Variants in DHX37 observed in about 807,000 individuals in gnomAD.
DHX37 encodes the protein DEAH-box helicase 37, also known as probable ATP-dependent RNA helicase DHX37.
A neutral mutation model predicts 134.3 loss-of-function variants in DHX37; 52 were observed. The ratio of observed to expected loss-of-function variants is 0.39; its 90% CI spans 0.31 to 0.49. The LOEUF (loss-of-function observed/expected upper bound fraction) is 0.49. Ranked by LOEUF, DHX37 falls within the 20% of genes least tolerant of loss-of-function variation. The probability of loss-of-function intolerance (pLI) is 0.93; values close to 1 mark genes in which losing one functional copy is unlikely to be tolerated. For synonymous variants in DHX37, 634 were observed against 670.7 expected (o/e 0.95, Z 0.85); for missense variants, 1,344 against 1,580.8 (o/e 0.85, Z 2.54).
rs1954747896 is a variant in DHX37 at position 124,980,963 on chromosome 12, C to T, written c.390-125G>A. ...CTGCTGTTCCACTCCCTGAAATGCC[C>T]TTCCTGCAGATACCTCCTCTCACTC... On this transcript the variant is annotated intron_variant, in intron 3 of 26. Coordinates refer to ENST00000308736, the MANE Select transcript of DHX37 (RefSeq NM_032656.4). The surrounding 1 kb of genome is among the most constrained non-coding windows in gnomAD (Gnocchi z 5.3). 10 of 1,069,496 alleles carry T rather than the reference C, an allele frequency of 9.4e-6. No homozygotes were observed. Among genetic ancestry groups the T allele is most frequent in the Middle Eastern group, 2.3e-4 (1 of 4,272 alleles). 66.3% of individuals were successfully genotyped at this position (1,069,496 alleles called of 1,614,324 possible). A position where few individuals can be genotyped will look rare whatever the true frequency, so the allele number is the denominator to read the frequency against.
At position 124,989,060 on chromosome 12, in the gene DHX37, C is replaced by T. The variant is rs769413521; in HGVS notation, c.-38G>A. Reference sequence around the variant, plus strand: ...AGGGTGGGCGCTCCAGCGGCCGGACCAGCAGAGCAATCCGAAACCCAGCCC... The same window carrying T: ...AGGGTGGGCGCTCCAGCGGCCGGACTAGCAGAGCAATCCGAAACCCAGCCC... On this transcript the variant is annotated 5_prime_UTR_variant, in exon 1 of 27. Coordinates refer to ENST00000308736, the MANE Select transcript of DHX37 (RefSeq NM_032656.4). 3 of 1,291,270 alleles carry T rather than the reference C, an allele frequency of 2.3e-6. No homozygotes were observed. Among genetic ancestry groups the T allele is most frequent in the Non-Finnish European group, 3.0e-6 (3 of 1,009,572 alleles). 80.0% of individuals were successfully genotyped at this position (1,291,270 alleles called of 1,614,324 possible).
intron 20 of DHX37, 199 bp downstream of exon 20, chr12:124,953,681 G>A (rs1329194191): frequency 5.2e-6 from 5 of 967,580 alleles, no homozygotes; most frequent in Admixed American, 3.0e-5. Context: ...CTGGCAGCTC[G>A]AATCTGTTAG....
At chr12:124,971,160 C>A in intron 8 of DHX37, 142 bp downstream of exon 8, 3 of 1,351,744 alleles carry the variant, frequency 2.2e-6, no homozygotes. Flanking sequence ...GACCTAGGCC[C>A]AGGGAGACCT....
intron 1 of DHX37, among the ~76,000 whole-genome samples, chr12:124,988,668 T>G (rs569414234): frequency 1.9e-4 from 29 of 150,792 alleles, no homozygotes; most frequent in Admixed American, 1.8e-3. Flanking sequence ...ACTACTCCTG[T>G]TTTTTTTGCC....
intron 10 of DHX37, 74 bp downstream of exon 10, chr12:124,968,460 C>T (rs1177853825): frequency 1.9e-6 from 3 of 1,581,632 alleles, no homozygotes; most frequent in Non-Finnish European, 2.6e-6. Context: ...CGGAGATGGG[C>T]CCTCCCACAC....
At position 124,953,960 on chromosome 12, in the gene DHX37, G is replaced by A. The variant is rs764396850; in HGVS notation, c.2615C>T (p.Pro872Leu). Residue 872 changes from proline to leucine, a missense_variant, in exon 20 of 27, where the codon CCC becomes CTC. This residue lies in a region of DHX37 where 558 missense variants were observed against 650.0 expected (regional missense o/e 0.86). Coordinates refer to ENST00000308736, the MANE Select transcript of DHX37 (RefSeq NM_032656.4). ...VGACEYASCTPQFCEANGLRY... is the reference protein window; with the variant it reads ...VGACEYASCTLQFCEANGLRY... The stretch of plus-strand genomic sequence containing the variant: ...CAGCCCGTTGGCTTCGCAAAACTGG[G>A]GTGTGCAGCTGGCATACTCACAGGC... The A allele has an allele frequency of 3.1e-6, 5 of 1,613,436 alleles. No homozygotes were observed. The East Asian group carries it at 6.7e-5, about 22-fold the overall frequency.
chr12:124,964,585 C>T lies in DHX37; in HGVS notation c.1854G>A (p.Val618=). ...GCGACGTCTCGGCCACATTGGTGGC[C>T]ACAACACACAACCGAGTCCCCTCCG... ...PPPEGTRLCV[V]ATNVAETSLT... Residue 618 remains valine (V), a synonymous_variant, in exon 15 of 27, where the codon GTG becomes GTA. Coordinates refer to ENST00000308736, the MANE Select transcript of DHX37 (RefSeq NM_032656.4). 1 of 1,613,378 alleles carries T rather than the reference C, an allele frequency of 6.2e-7. No individual in the cohort carries two copies. The highest frequency in any genetic ancestry group is 1.7e-5 in the Admixed American group (1 of 59,904).
chr12:124,970,163 A>G (rs1954485287), intron 8 of DHX37, among the ~76,000 whole-genome samples: 2 of 152,084 alleles, frequency 1.3e-5, no homozygotes, highest in Non-Finnish European at 2.9e-5. Flanking sequence ...TAGTAGAGAC[A>G]GGGTTTCACC....
intron 12 of DHX37, among the ~76,000 whole-genome samples, chr12:124,966,171 C>T (rs1954383363): frequency 6.6e-6 from 1 of 152,214 alleles, no homozygotes; most frequent in Admixed American, 6.5e-5. Context: ...TAGAGGAAAG[C>T]CCCTGCCAGC....
chr12:124,976,084 C>T (rs563239242), intron 5 of DHX37, among the ~76,000 whole-genome samples: 2 of 152,258 alleles, frequency 1.3e-5, no homozygotes, highest in African/African-American at 4.8e-5. Flanking sequence ...TGGGCTTAGG[C>T]GACCCCAGTA....
rs2135924710 is a variant in DHX37 at position 124,948,070 on chromosome 12, C to T, written c.3388+14G>A. On this transcript the variant is annotated intron_variant, in intron 26 of 26. Transcript: ENST00000308736. ...TCCTGTCTACTCCCACCCCCTGGCC[C>T]TGGTCAAACTCACATTTGGGGTTTT... 1 of 1,614,274 alleles carries T rather than the reference C, an allele frequency of 6.2e-7. No individual in the cohort carries two copies. Among genetic ancestry groups the T allele is most frequent in the Non-Finnish European group, 8.5e-7 (1 of 1,180,048 alleles).
rs369512259 is a variant in DHX37 at position 124,977,418 on chromosome 12, C to T, written c.811G>A (p.Val271Ile). 21 of 1,611,236 alleles carry T rather than the reference C, an allele frequency of 1.3e-5. No homozygotes were observed. The highest frequency in any genetic ancestry group is 5.3e-5 in the African/African-American group (4 of 74,780). ...CTGCCGGTCTCACCACACACGATGA[C>T]GATGGGGTGCTCGGCCACAGCCTCC... ...IMEAVAEHPI[V>I]IVCGETGSGK... Residue 271 changes from valine to isoleucine, a missense_variant, in exon 5 of 27, where the codon GTC becomes ATC. By Grantham distance (29) the Val-to-Ile change is conservative. Around this residue, in one of 7 missense-constraint regions of DHX37, gnomAD observed 77 missense variants for 121.6 expected, o/e 0.63. Coordinates refer to ENST00000308736, the MANE Select transcript of DHX37 (RefSeq NM_032656.4).
intron 18 of DHX37, among the ~76,000 whole-genome samples, chr12:124,956,113 T>C (rs1446800058): frequency 6.6e-6 from 1 of 151,858 alleles, no homozygotes; most frequent in Non-Finnish European, 1.5e-5. Context: ...GCTCACAGAG[T>C]CGATGAAGTG....
intron 6 of DHX37, 53 bp downstream of exon 6, chr12:124,975,366 G>A (rs1954614372): frequency 6.3e-7 from 1 of 1,585,768 alleles, no homozygotes; most frequent in Non-Finnish European, 8.6e-7. Context: ...CCCACATCTG[G>A]GCAAGGCCAC....
At chr12:124,950,350 G>T in intron 23 of DHX37, 63 bp downstream of exon 23, 1 of 1,594,906 alleles carries the variant, frequency 6.3e-7, no homozygotes, top group Non-Finnish European at 8.5e-7. Flanking sequence ...GGACAGGACC[G>T]TGTGTCCGAG....
At chr12:124,982,109 C>T (rs1954772722) in intron 3 of DHX37, among the ~76,000 whole-genome samples, 1 of 147,166 alleles carries the variant, frequency 6.8e-6, no homozygotes, top group South Asian at 2.2e-4. Context: ...GGTGACAAAG[C>T]AAGACTCTGT....
chr12:124,985,736 A>C (rs185187109), intron 2 of DHX37, among the ~76,000 whole-genome samples: 2 of 151,674 alleles, frequency 1.3e-5, no homozygotes, highest in African/African-American at 4.8e-5. Context: ...CCATCTCAAA[A>C]AAAAAAAATT....
At position 124,965,589 on chromosome 12, in the gene DHX37, G is replaced by A. The variant is rs562960616; in HGVS notation, c.1735+79C>T. On this transcript the variant is annotated intron_variant, in intron 13 of 26. Coordinates refer to ENST00000308736, the MANE Select transcript of DHX37 (RefSeq NM_032656.4). ...CAAAGCTGCTAGAACCCCGGCCCCC[G>A]GGGGGCCCACAAGGGCTCTGGGCAC... The A allele has an allele frequency of 2.5e-5, 37 of 1,458,706 alleles. 1 individual carries two copies. Among genetic ancestry groups the A allele is most frequent in the Middle Eastern group, 2.5e-4 (1 of 4,078 alleles). The allele number at this position is 1,458,706 out of a possible 1,614,324, so 90.4% of individuals were successfully genotyped here.
Position 124,989,080 on chromosome 12 carries a change from C to T in DHX37, c.-58G>A. On this transcript the variant is annotated 5_prime_UTR_variant, in exon 1 of 27. Coordinates refer to ENST00000308736, the MANE Select transcript of DHX37 (RefSeq NM_032656.4). ...CGGACCAGCAGAGCAATCCGAAACCCAGCCCACGTGGGTTCCCAGACCACC... is the reference window on the plus strand; with the variant it reads ...CGGACCAGCAGAGCAATCCGAAACCTAGCCCACGTGGGTTCCCAGACCACC... 8.3e-7 allele frequency: 1 copy of T among 1,203,392 alleles called. No homozygotes were observed. The highest frequency in any genetic ancestry group is 1.6e-5 in the African/African-American group (1 of 63,552). 74.5% of individuals were successfully genotyped at this position (1,203,392 alleles called of 1,614,324 possible). A position where few individuals can be genotyped will look rare whatever the true frequency, so the allele number is the denominator to read the frequency against.
Sources: allele counts gnomAD v4.1 joint callset (sites outside exome capture counted in the v4.1 genomes callset), GRCh38; gene constraint gnomAD v4.1.1; regional missense constraint gnomAD v4.1.1; non-coding constraint Gnocchi (gnomAD v3.1); transcripts MANE v1.5; gene names NCBI Gene and HGNC (gene_info 2026-07-23, HGNC 2026-07-21).